STXBP2: variants seen among roughly 807,000 people sequenced by gnomAD.
The protein encoded by STXBP2 is syntaxin-binding protein 2.
In STXBP2, 47 loss-of-function variants were observed where a neutral mutation model predicts 72.2. The ratio of observed to expected loss-of-function variants is 0.65; its 90% CI spans 0.51 to 0.83. The LOEUF (loss-of-function observed/expected upper bound fraction) is 0.83, where lower values mean the gene tolerates loss of function less well. Ranked by LOEUF, STXBP2 falls within the 40% of genes least tolerant of loss-of-function variation. The pLI is 0.00. For synonymous variants in STXBP2, 367 were observed against 338.7 expected (o/e 1.08, Z -0.92); for missense variants, 702 against 807.6 (o/e 0.87, Z 1.58).
In STXBP2 at chr19:7,640,818, G is replaced by A. The variant is rs555724573; in HGVS notation, c.325+9G>A. The A allele has an allele frequency of 3.1e-6, 5 of 1,614,136 alleles. No homozygotes were observed. Among genetic ancestry groups the A allele is most frequent in the Admixed American group, 1.7e-5 (1 of 60,032 alleles). On this transcript the variant is annotated intron_variant, in intron 5 of 18. Coordinates refer to ENST00000221283, the MANE Select transcript of STXBP2 (RefSeq NM_006949.4). The stretch of plus-strand genomic sequence containing the variant: ...TATCTTCTTCACCGACAGTGAGTGA[G>A]GAGAGCCTAGGGTGTTGGTGGGTGG...
rs765763103 is a variant in STXBP2 at position 7,641,835 on chromosome 19, C to T, written c.560C>T (p.Pro187Leu). 6.4e-6 allele frequency: 10 copies of T among 1,553,438 alleles called. No individual in the cohort carries two copies. The highest frequency in any genetic ancestry group is 4.9e-5 in the East Asian group (2 of 41,072). Residue 187 changes from proline to leucine, a missense_variant, in exon 7 of 19, where the codon CCG becomes CTG. Coordinates refer to ENST00000221283, the MANE Select transcript of STXBP2 (RefSeq NM_006949.4). ...ATLCATLQEY[P>L]AIRYRKGPED... ...CTGTGCGCCACCCTGCAGGAGTACC[C>T]GGCCATCCGCTACCGCAAGTGGGGA...
At chr19:7,637,018 AC>A, upstream of STXBP2, 1 of 1,046,916 alleles carries the variant, frequency 9.6e-7, no homozygotes, top group Non-Finnish European at 1.2e-6. Flanking sequence ...GCGAGAACCG[AC>A]GGCGGGGAGG....
chr19:7,639,599 G>C, intron 3 of STXBP2, 132 bp from the exon 4 acceptor site: 1 of 805,134 alleles, frequency 1.2e-6, no homozygotes, highest in Non-Finnish European at 2.1e-6. Flanking sequence ...TGGTCCCTAA[G>C]TGGGTTTCTC....
At chr19:7,632,439 C>G (rs765886363), upstream of STXBP2, 2 of 1,613,810 alleles carry the variant, frequency 1.2e-6, no homozygotes, top group Non-Finnish European at 1.7e-6. This position sits in a 1 kb window ranked among gnomAD's most constrained non-coding sequence, Gnocchi z 5.2. Flanking sequence ...GACTGTCACA[C>G]GTTGGTCATC....
intron 16 of STXBP2, 23 bp downstream of exon 16, chr19:7,646,367 G>A (rs1255975901): frequency 1.3e-6 from 2 of 1,584,126 alleles, no homozygotes; most frequent in Non-Finnish European, 8.6e-7. Flanking sequence ...AGGTCAGGGT[G>A]GGGGCCAGCC....
intron 1 of STXBP2, among the ~76,000 whole-genome samples, chr19:7,638,030 A>G (rs1248483292): frequency 1.3e-5 from 2 of 152,244 alleles, no homozygotes; most frequent in Non-Finnish European, 2.9e-5. Context: ...ATTTTAGACC[A>G]GGTTGGGGGG....
At chr19:7,631,427 G>A in the STXBP2 span, 12 of 1,481,656 alleles carry the variant, frequency 8.1e-6, 1 homozygote, top group South Asian at 1.1e-4. Flanking sequence ...GCTCTGAGGT[G>A]TGTGCCCCTC....
chr19:7,646,970 T>C (rs1199709072), intron 16 of STXBP2, 192 bp from the exon 17 acceptor site: 2 of 611,894 alleles, frequency 3.3e-6, no homozygotes, highest in African/African-American at 3.7e-5. Flanking sequence ...GGGTCCCCAG[T>C]GAGTTATGGA....
At chr19:7,632,298 G>T, upstream of STXBP2, 1 of 1,549,628 alleles carries the variant, frequency 6.5e-7, no homozygotes, top group Non-Finnish European at 8.8e-7. This position sits in a 1 kb window ranked among gnomAD's most constrained non-coding sequence, Gnocchi z 5.2. Flanking sequence ...GACAGAGATG[G>T]GGCAGGCCCT....
At chr19:7,638,539 C>A (rs1247757240) in intron 1 of STXBP2, among the ~76,000 whole-genome samples, 187 bp from the exon 2 acceptor site, 1 of 151,860 alleles carries the variant, frequency 6.6e-6, no homozygotes, top group Non-Finnish European at 1.5e-5. Flanking sequence ...GAGTTGGAGG[C>A]CGCAGTGAGT....
At chr19:7,632,697 C>A, upstream of STXBP2, 2 of 1,549,930 alleles carry the variant, frequency 1.3e-6, no homozygotes, top group South Asian at 2.3e-5. The surrounding 1 kb of genome is among the most constrained non-coding windows in gnomAD (Gnocchi z 5.2). Context: ...ATGGACAGCA[C>A]CCCCGTGCCC....
At chr19:7,639,920 G>A (rs1312871919) in intron 4 of STXBP2, 113 bp downstream of exon 4, 1 of 1,195,640 alleles carries the variant, frequency 8.4e-7, no homozygotes, top group South Asian at 1.3e-5. Context: ...GTGTGCATGT[G>A]TCCATGTGTA....
chr19:7,647,226 C>A lies in STXBP2; in HGVS notation c.1517C>A (p.Ala506Asp). The A allele has an allele frequency of 6.2e-7, 1 of 1,611,602 alleles. No individual in the cohort carries two copies. Among genetic ancestry groups the A allele is most frequent in the Non-Finnish European group, 8.5e-7 (1 of 1,179,708 alleles). ...TTCGTATCCGACCCCGCCCCCACGGCCAGCTCCCAGGCCGCTGTCAGGTGA... is the reference window on the plus strand; with the variant it reads ...TTCGTATCCGACCCCGCCCCCACGGACAGCTCCCAGGCCGCTGTCAGGTGA... Reference protein sequence around the residue: ...WPFVSDPAPTASSQAAVSARF... With the variant: ...WPFVSDPAPTDSSQAAVSARF... Residue 506 changes from alanine (A) to aspartate (D), a missense_variant, in exon 17 of 19, where the codon GCC (alanine) becomes GAC (aspartate). Ala to Asp is a moderately radical substitution (Grantham distance 126, BLOSUM62 -2). Transcript: ENST00000221283.
Position 7,640,651 on chromosome 19 carries a change from G to A in STXBP2, c.247-80G>A, listed in dbSNP as rs77272119. On this transcript the variant is annotated intron_variant, in intron 4 of 18. Transcript: ENST00000221283. ...TCCATGTTTGCACATGGTGGCAGAT[G>A]GGGGGTGGCTGGGAGGCCTAGGCAG... The A allele has an allele frequency of 2.5e-4, 384 of 1,564,836 alleles. 2 individuals carry two copies. In the East Asian group the frequency reaches 5.1e-3, roughly 21 times the overall value.
At position 7,642,298 on chromosome 19, in the gene STXBP2, G is replaced by A. The variant is rs145260482; in HGVS notation, c.759G>A (p.Ala253=). ...ATGAGCTCACGTTCCAGGCCATGGC[G>A]TATGATCTGCTGGACATAGAGCAGG... ...LLHELTFQAM[A]YDLLDIEQDT... The change falls in exon 9 of 19, where the codon GCG becomes GCA. Residue 253 remains alanine, a synonymous_variant. Coordinates refer to ENST00000221283, the MANE Select transcript of STXBP2 (RefSeq NM_006949.4). This position sits in a 1 kb window ranked among gnomAD's most constrained non-coding sequence, Gnocchi z 6.0. 6.4e-5 allele frequency: 104 copies of A among 1,614,138 alleles called. 1 individual carries two copies. The highest frequency in any genetic ancestry group is 6.4e-4 in the South Asian group (58 of 91,080).
At chr19:7,630,479 C>T in the STXBP2 span, 1 of 1,025,508 alleles carries the variant, frequency 9.8e-7, no homozygotes, top group Non-Finnish European at 1.5e-6. Context: ...CGAGGCGCTT[C>T]TGGACTCTGC....
At position 7,644,641 on chromosome 19, in the gene STXBP2, G is replaced by T. The variant is rs757979426; in HGVS notation, c.1135G>T (p.Gly379Trp). 8 of 1,613,246 alleles carry T rather than the reference G, an allele frequency of 5.0e-6. No individual in the cohort carries two copies. Among genetic ancestry groups the T allele is most frequent in the Non-Finnish European group, 5.9e-6 (7 of 1,179,834 alleles). ...CCTGGCCATGGGCTCCGACGCAGAG[G>T]GGGAGAAGATCAAGGACTCCATGAA... ...QDLAMGSDAE[G>W]EKIKDSMKLI... Residue 379 changes from glycine to tryptophan, a missense_variant, in exon 14 of 19, where the codon GGG becomes TGG. Coordinates refer to ENST00000221283, the MANE Select transcript of STXBP2 (RefSeq NM_006949.4).
At chr19:7,630,700 G>A in the STXBP2 span, 1 of 1,532,044 alleles carries the variant, frequency 6.5e-7, no homozygotes, top group East Asian at 2.4e-5. Flanking sequence ...TTCCAGGGGT[G>A]GGAGAGGGTG....
chr19:7,646,498 C>T, intron 16 of STXBP2, 154 bp downstream of exon 16: 1 of 768,480 alleles, frequency 1.3e-6, no homozygotes, highest in African/African-American at 1.7e-5. Context: ...GGGGGGCACG[C>T]CAAGCCCGCA....
Sources: gnomAD v4.1 joint callset for allele counts (sites outside exome capture counted in the v4.1 genomes callset) on GRCh38, gnomAD v4.1.1 for gene constraint, Gnocchi (gnomAD v3.1) non-coding constraint, MANE v1.5 for transcripts, NCBI Gene and HGNC (gene_info 2026-07-23, HGNC 2026-07-21) for gene names.